Variants in SLC30A8 observed in about 807,000 individuals in gnomAD.
SLC30A8 encodes the protein proton-coupled zinc antiporter SLC30A8.
Under a neutral mutation model 36.9 loss-of-function variants are expected in SLC30A8, and 27 were observed. The observed-to-expected ratio is 0.73, with a 90% CI of 0.54 to 1.01. SLC30A8 has a LOEUF of 1.01. Ranked by LOEUF, SLC30A8 falls within the 50% of genes least tolerant of loss-of-function variation. SLC30A8 has a pLI of 0.00. For synonymous variants in SLC30A8, 164 were observed against 172.4 expected (o/e 0.95, Z 0.38); for missense variants, 439 against 452.0 (o/e 0.97, Z 0.26).
intron 6 of SLC30A8, among the ~76,000 whole-genome samples, chr8:117,165,649 C>G (rs1182636354): frequency 1.3e-5 from 2 of 152,052 alleles, no homozygotes; most frequent in Admixed American, 6.6e-5. Context: ...CTAGTCCCCC[C>G]GGTAAGAAAG....
intron 2 of SLC30A8, among the ~76,000 whole-genome samples, chr8:117,045,219 T>G (rs2130763194): frequency 6.6e-6 from 1 of 152,188 alleles, no homozygotes; most frequent in Middle Eastern, 3.4e-3. Flanking sequence ...AAGGTTCTGG[T>G]TTTTCTAGTG....
At chr8:117,045,734 G>GTC (rs1291361907) in intron 2 of SLC30A8, among the ~76,000 whole-genome samples, 21 of 152,316 alleles carry the variant, frequency 1.4e-4, no homozygotes, top group African/African-American at 4.8e-4. Context: ...AGCGTGGCCA[G>GTC]TGCAGAGCTG....
At chr8:117,148,406 A>G (rs1336298085) in intron 2 of SLC30A8, among the ~76,000 whole-genome samples, 2 of 152,112 alleles carry the variant, frequency 1.3e-5, no homozygotes, top group Non-Finnish European at 2.9e-5. Context: ...GTCTGTTTCT[A>G]AGGTGTTTCA....
At chr8:117,080,134 T>C (rs1236416930) in intron 2 of SLC30A8, among the ~76,000 whole-genome samples, 1 of 152,150 alleles carries the variant, frequency 6.6e-6, no homozygotes, top group Non-Finnish European at 1.5e-5. Context: ...TAACCTGATA[T>C]CTGGTACAAT....
At chr8:117,111,360 T>A (rs1243787506) in intron 2 of SLC30A8, among the ~76,000 whole-genome samples, 1 of 152,150 alleles carries the variant, frequency 6.6e-6, no homozygotes, top group Non-Finnish European at 1.5e-5. Flanking sequence ...AAACAAAAGG[T>A]AAGATCAGAC....
chr8:117,132,562 T>C (rs771761989), upstream of SLC30A8, among the ~76,000 whole-genome samples: 1 of 152,020 alleles, frequency 6.6e-6, no homozygotes, highest in Non-Finnish European at 1.5e-5. Context: ...TAATGCCCAC[T>C]AAAACCAATG....
At chr8:117,040,893 G>T (rs559759020) in intron 2 of SLC30A8, among the ~76,000 whole-genome samples, 2 of 152,166 alleles carry the variant, frequency 1.3e-5, no homozygotes, top group Admixed American at 6.5e-5. Flanking sequence ...CATTTAGCAA[G>T]ACCCCCAAGA....
chr8:117,171,204 A>C (rs773385351), intron 7 of SLC30A8, 36 bp downstream of exon 7: 48 of 1,610,074 alleles, frequency 3.0e-5, no homozygotes, highest in Non-Finnish European at 4.0e-5. Flanking sequence ...GAAAAAATTC[A>C]GTCCTTGTCC....
intron 1 of SLC30A8, among the ~76,000 whole-genome samples, chr8:116,979,105 C>T (rs904304063): frequency 2.0e-5 from 3 of 151,110 alleles, no homozygotes; most frequent in African/African-American, 7.3e-5. Flanking sequence ...GGTGTGGTGA[C>T]ACACGCTTGT....
chr8:117,096,340 C>G (rs1013460012), intron 2 of SLC30A8, among the ~76,000 whole-genome samples: 3 of 152,126 alleles, frequency 2.0e-5, no homozygotes, highest in Non-Finnish European at 2.9e-5. Context: ...TACAAAATGT[C>G]TAGATATTTG....
chr8:117,118,539 AT>A (rs75936567), intron 2 of SLC30A8, among the ~76,000 whole-genome samples: 2,515 of 149,340 alleles, frequency 0.017, 28 homozygotes, highest in East Asian at 0.063. Context: ...TCAATAGCTC[AT>A]TTTTTTTTTA....
chr8:117,022,534 G>T lies in SLC30A8; in HGVS notation c.-265-16685G>T, dbSNP rs1398237554. On this transcript the variant is annotated intron_variant, in intron 1 of 10. Transcript: ENST00000427715. ...ATACTGGTACCAAAACAGAGATATA[G>T]ACCAATGGAACAGAGCAGAGCCCTC... Among the ~76,000 whole-genome samples, 4 of 152,104 alleles carry T rather than the reference G, an allele frequency of 2.6e-5. No individual in the cohort carries two copies. The South Asian group carries it at 6.2e-4, about 24-fold the overall frequency.
At chr8:116,999,545 T>C (rs978740873) in intron 1 of SLC30A8, among the ~76,000 whole-genome samples, 11 of 152,106 alleles carry the variant, frequency 7.2e-5, no homozygotes, top group African/African-American at 2.7e-4. Context: ...CAACCATGAA[T>C]TCATAAACAC....
intron 2 of SLC30A8, among the ~76,000 whole-genome samples, chr8:117,040,981 A>G (rs1324078930): frequency 6.6e-6 from 1 of 152,114 alleles, no homozygotes; most frequent in East Asian, 1.9e-4. Context: ...CCCATAGAGT[A>G]ACCAAAGAAC....
At chr8:116,978,924 C>CTT (rs952711067) in intron 1 of SLC30A8, among the ~76,000 whole-genome samples, 4 of 149,828 alleles carry the variant, frequency 2.7e-5, no homozygotes, top group African/African-American at 9.8e-5. Context: ...TTTTTTCTTT[C>CTT]TTTTTTTCTT....
intron 2 of SLC30A8, among the ~76,000 whole-genome samples, chr8:117,086,563 A>T (rs1347645702): frequency 2.0e-5 from 3 of 152,200 alleles, no homozygotes; most frequent in African/African-American, 7.2e-5. Flanking sequence ...ACTGGTTTAG[A>T]CTTGGCTAAG....
At chr8:117,035,753 C>G (rs963136780) in intron 1 of SLC30A8, among the ~76,000 whole-genome samples, 1 of 152,238 alleles carries the variant, frequency 6.6e-6, no homozygotes, top group Non-Finnish European at 1.5e-5. Context: ...CCTCTGAAAT[C>G]TAGGCAGAGG....
At chr8:117,171,400 A>G (rs1823377064) in intron 7 of SLC30A8, among the ~76,000 whole-genome samples, 1 of 152,138 alleles carries the variant, frequency 6.6e-6, no homozygotes, top group South Asian at 2.1e-4. Flanking sequence ...GGACAGACAG[A>G]ACAAAGGACT....
rs1224502975 is a variant in SLC30A8, at chr8:117,129,621, ATATG to A, written c.-225-5656_-225-5653del. On this transcript the variant is annotated intron_variant, in intron 2 of 10. Transcript: ENST00000427715. ...TTTGTCATATTGATTTTTCTTATAT[ATATG>A]TAATACCTAAAATAGGAAAACATTG... 3.3e-5 allele frequency among the ~76,000 whole-genome samples: 5 copies of A among 152,154 alleles called. No individual in the cohort carries two copies. The South Asian group carries it at 1.0e-3, about 31-fold the overall frequency.
Sources: gnomAD v4.1 joint callset for allele counts (sites outside exome capture counted in the v4.1 genomes callset) on GRCh38, gnomAD v4.1.1 for gene constraint, MANE v1.5 for transcripts, NCBI Gene and HGNC (gene_info 2026-07-23, HGNC 2026-07-21) for gene names.